Variants in RHOBTB1 observed in about 807,000 individuals in gnomAD.
The protein encoded by RHOBTB1 is rho-related BTB domain-containing protein 1.
In RHOBTB1, 40 loss-of-function variants were observed where a neutral mutation model predicts 71.6. The ratio of observed to expected loss-of-function variants is 0.56; its 90% CI spans 0.43 to 0.73. The LOEUF is 0.73. Among genes scored for constraint, RHOBTB1 ranks in the 30% least tolerant of loss-of-function variants. The probability of loss-of-function intolerance (pLI) is 0.00; values close to 1 mark genes in which losing one functional copy is unlikely to be tolerated. For synonymous variants in RHOBTB1, 319 were observed against 334.9 expected (o/e 0.95, Z 0.52); for missense variants, 797 against 894.0 (o/e 0.89, Z 1.38).
At chr10:60,928,059 C>T (rs1488482650) in intron 2 of RHOBTB1, among the ~76,000 whole-genome samples, 1 of 150,944 alleles carries the variant, frequency 6.6e-6, no homozygotes, top group Non-Finnish European at 1.5e-5. Context: ...ATAGCCAACA[C>T]ATATGAAAAA....
chr10:60,951,822 C>G (rs555232363), intron 2 of RHOBTB1, among the ~76,000 whole-genome samples: 10 of 152,046 alleles, frequency 6.6e-5, no homozygotes, highest in Non-Finnish European at 1.5e-4. Context: ...TTTGGGAGGC[C>G]AAGGCGGGCA....
At chr10:60,919,556 A>C (rs1392193887) in intron 2 of RHOBTB1, among the ~76,000 whole-genome samples, 1 of 152,242 alleles carries the variant, frequency 6.6e-6, no homozygotes, top group Non-Finnish European at 1.5e-5. Context: ...TCACAGAATT[A>C]TATCTCCAGG....
chr10:60,983,064 T>G (rs562778654), intron 2 of RHOBTB1, among the ~76,000 whole-genome samples: 70 of 152,326 alleles, frequency 4.6e-4, no homozygotes, highest in African/African-American at 1.7e-3. Flanking sequence ...TGGTCTATTC[T>G]CAGTGTTCTT....
At chr10:60,863,543 T>C in the RHOBTB1 span, among the ~76,000 whole-genome samples, 1 of 152,052 alleles carries the variant, frequency 6.6e-6, no homozygotes, top group Non-Finnish European at 1.5e-5. Context: ...ACATCCCCTT[T>C]TTTTTTTGAG....
chr10:60,938,658 A>T (rs1234162950), intron 2 of RHOBTB1, among the ~76,000 whole-genome samples: 1 of 152,230 alleles, frequency 6.6e-6, no homozygotes, highest in Non-Finnish European at 1.5e-5. Context: ...CAAACCCAGA[A>T]GAATAACTTC....
In RHOBTB1 at chr10:60,911,511, T is replaced by C. The variant is rs937418432; in HGVS notation, c.32A>G (p.Asn11Ser). MDADMDYERPNVETIKCVVVG... is the reference protein window; with the variant it reads MDADMDYERPSVETIKCVVVG... ...GACCACACATTTGATAGTTTCAACGTTGGGTCTTTCGTAGTCCATGTCAGC... is the reference window on the plus strand; with the variant it reads ...GACCACACATTTGATAGTTTCAACGCTGGGTCTTTCGTAGTCCATGTCAGC... The change falls in exon 3 of 11, where the codon AAC becomes AGC. Residue 11 changes from asparagine to serine, a missense_variant. Around this residue, in one of 2 missense-constraint regions of RHOBTB1, gnomAD observed 139 missense variants for 212.5 expected, o/e 0.65. Coordinates refer to ENST00000337910, the MANE Select transcript of RHOBTB1 (RefSeq NM_014836.5). 4.3e-6 allele frequency: 7 copies of C among 1,614,192 alleles called. No homozygotes were observed. Among genetic ancestry groups the C allele is most frequent in the Non-Finnish European group, 5.9e-6 (7 of 1,180,034 alleles).
intron 7 of RHOBTB1, among the ~76,000 whole-genome samples, chr10:60,883,281 G>C (rs764652290): frequency 2.2e-4 from 33 of 152,110 alleles, no homozygotes; most frequent in Admixed American, 5.9e-4. Context: ...TCTCCAGCAG[G>C]GTGTGCTAAA....
chr10:60,875,673 C>T (rs141225534), intron 8 of RHOBTB1, among the ~76,000 whole-genome samples: 2 of 152,338 alleles, frequency 1.3e-5, no homozygotes, highest in East Asian at 3.9e-4. Flanking sequence ...ACGTCTGTCT[C>T]AACAGCTACA....
chr10:60,894,158 T>C (rs989464599), intron 4 of RHOBTB1, among the ~76,000 whole-genome samples: 2 of 152,310 alleles, frequency 1.3e-5, no homozygotes, highest in Middle Eastern at 3.4e-3. Context: ...AACAAATATA[T>C]GCAGGCAACC....
intron 6 of RHOBTB1, among the ~76,000 whole-genome samples, chr10:60,886,727 T>C (rs10082373): frequency 4.2e-5 from 6 of 142,704 alleles, no homozygotes; most frequent in East Asian, 2.0e-4. Flanking sequence ...TGGGGGGGGG[T>C]GGGTCTGGCT....
rs531715503 is a variant in RHOBTB1, at chr10:60,886,002, T to C, written c.1575+110A>G. On this transcript the variant is annotated intron_variant, in intron 7 of 10. Coordinates refer to ENST00000337910, the MANE Select transcript of RHOBTB1 (RefSeq NM_014836.5). ...TGACTAACAGTATGATGACCACTCATGGAGCCAGTTTAAGGATTAAAGTCA... is the reference window on the plus strand; with the variant it reads ...TGACTAACAGTATGATGACCACTCACGGAGCCAGTTTAAGGATTAAAGTCA... 6 of 780,778 alleles carry C rather than the reference T, an allele frequency of 7.7e-6. No homozygotes were observed. The East Asian group carries it at 1.5e-4, about 19-fold the overall frequency. 48.4% of individuals were successfully genotyped at this position (780,778 alleles called of 1,614,324 possible).
At chr10:60,905,676 T>C (rs985699990) in intron 4 of RHOBTB1, among the ~76,000 whole-genome samples, 3 of 152,110 alleles carry the variant, frequency 2.0e-5, no homozygotes, top group South Asian at 2.1e-4. Flanking sequence ...GCCCTAGTCC[T>C]GGCCCTGGTC....
At chr10:60,873,626 C>T (rs2132215468) in intron 9 of RHOBTB1, among the ~76,000 whole-genome samples, 1 of 152,330 alleles carries the variant, frequency 6.6e-6, no homozygotes. Flanking sequence ...ACATTTTTCT[C>T]TAGGAGGAAT....
At chr10:60,907,663 AG>A (rs2082746980) in intron 4 of RHOBTB1, among the ~76,000 whole-genome samples, 1 of 152,190 alleles carries the variant, frequency 6.6e-6, no homozygotes, top group Admixed American at 6.5e-5. Context: ...TTTTTTGGAT[AG>A]ATGGATGATT....
At chr10:60,947,243 C>T (rs535741957), upstream of RHOBTB1, among the ~76,000 whole-genome samples, 6 of 152,298 alleles carry the variant, frequency 3.9e-5, no homozygotes, top group East Asian at 9.6e-4. Flanking sequence ...CTGATAGAAT[C>T]AGTACCATTC....
chr10:60,944,668 T>C (rs1209732853), upstream of RHOBTB1, among the ~76,000 whole-genome samples: 3 of 152,164 alleles, frequency 2.0e-5, no homozygotes, highest in Non-Finnish European at 2.9e-5. Context: ...CAGCATGGCT[T>C]TCTTCCCCCT....
downstream of RHOBTB1, among the ~76,000 whole-genome samples, chr10:60,865,408 T>C (rs1464546407): frequency 6.6e-6 from 1 of 152,256 alleles, no homozygotes; most frequent in Non-Finnish European, 1.5e-5. Flanking sequence ...TGCTTTGCTA[T>C]CTGAATACAT....
At chr10:60,964,476 T>G (rs2085891708) in intron 2 of RHOBTB1, among the ~76,000 whole-genome samples, 1 of 152,198 alleles carries the variant, frequency 6.6e-6, no homozygotes, top group Admixed American at 6.6e-5. Context: ...CAAGGATTGC[T>G]GTATAACCCT....
At chr10:60,897,258 C>A (rs1001626397) in intron 4 of RHOBTB1, among the ~76,000 whole-genome samples, 1 of 152,158 alleles carries the variant, frequency 6.6e-6, no homozygotes. Flanking sequence ...GAGAAGCAAC[C>A]AGAAGCTCAA....
Sources: allele counts gnomAD v4.1 joint callset (sites outside exome capture counted in the v4.1 genomes callset), GRCh38; gene constraint gnomAD v4.1.1; regional missense constraint gnomAD v4.1.1; transcripts MANE v1.5; gene names NCBI Gene and HGNC (gene_info 2026-07-23, HGNC 2026-07-21).